Variants in CENPL observed in about 807,000 individuals in gnomAD.
CENPL encodes the protein centromere protein L.
A neutral mutation model predicts 35.2 loss-of-function variants in CENPL; 20 were observed. That is an observed-to-expected ratio of 0.57 (90% confidence interval 0.40 to 0.83). The LOEUF is 0.83. Among genes scored for constraint, CENPL ranks in the 40% least tolerant of loss-of-function variants. The pLI is 0.00. For missense variants in CENPL, 363 were observed against 395.8 expected (o/e 0.92, Z 0.70); for synonymous variants, 140 against 140.6 (o/e 1.00, Z 0.03).
intron 2 of CENPL, among the ~76,000 whole-genome samples, chr1:173,818,068 G>A (rs144135094): frequency 0.025 from 3,738 of 152,014 alleles, 165 homozygotes; most frequent in African/African-American, 0.087. Flanking sequence ...ATGAGTTGAT[G>A]GCTGCAGCAA....
In CENPL at chr1:173,824,266, G is replaced by A. The variant is rs1652319169; in HGVS notation, c.-156C>T. The A allele has an allele frequency of 6.6e-6, 1 of 152,298 alleles. No individual in the cohort carries two copies. The highest frequency in any genetic ancestry group is 2.4e-5 in the African/African-American group (1 of 41,466). The allele number at this position is 152,298 out of a possible 1,614,324, so 9.4% of individuals were successfully genotyped here. A position where few individuals can be genotyped will look rare whatever the true frequency, so the allele number is the denominator to read the frequency against. ...TCAGCTTCTGCTCGCGGAGGGGGAA[G>A]GGCAAAAGGACAGTGCGTCCCAACC... is the stretch of plus-strand genomic sequence containing the variant. On this transcript the variant is annotated 5_prime_UTR_variant, in exon 1 of 6. Coordinates refer to ENST00000682279, the MANE Select transcript of CENPL (RefSeq NM_001387287.1).
At chr1:173,800,967 C>T (rs562003795) in intron 5 of CENPL, among the ~76,000 whole-genome samples, 63 of 151,906 alleles carry the variant, frequency 4.1e-4, no homozygotes, top group Admixed American at 2.8e-3. Context: ...AAACAAAAAA[C>T]CCCTCATTTT....
At chr1:173,821,058 C>T (rs774351560) in intron 2 of CENPL, among the ~76,000 whole-genome samples, 2 of 152,166 alleles carry the variant, frequency 1.3e-5, no homozygotes, top group Non-Finnish European at 2.9e-5. Flanking sequence ...ATTGAATTAC[C>T]TATTTCAAAG....
At chr1:173,823,406 G>C (rs570704228) in intron 2 of CENPL, 38 of 152,824 alleles carry the variant, frequency 2.5e-4, no homozygotes, top group African/African-American at 8.4e-4. Context: ...TACAACATTG[G>C]GGGGTGGGGG....
intron 2 of CENPL, 97 bp from the exon 3 acceptor site, chr1:173,811,403 T>C (rs1650810756): frequency 3.6e-6 from 3 of 829,788 alleles, no homozygotes; most frequent in African/African-American, 1.7e-5. Context: ...ATCCTTTCTC[T>C]TTCTGTCTTT....
At chr1:173,823,554 T>A (rs1246859724) in intron 2 of CENPL, 1 of 152,228 alleles carries the variant, frequency 6.6e-6, no homozygotes, top group East Asian at 1.9e-4. Context: ...TTATCGCCAA[T>A]TAAAAACACT....
At chr1:173,802,233 T>C in intron 5 of CENPL, among the ~76,000 whole-genome samples, 1 of 151,504 alleles carries the variant, frequency 6.6e-6, no homozygotes, top group South Asian at 2.1e-4. Context: ...TGAGACGGAG[T>C]CTCGCTCTGT....
chr1:173,802,983 G>A lies in CENPL; in HGVS notation c.943C>T (p.His315Tyr). The change falls in exon 5 of 6, where the codon CAT (histidine) becomes TAT (tyrosine). Residue 315 changes from histidine to tyrosine, a missense_variant. By Grantham distance (83) the His-to-Tyr change is moderately conservative. Transcript: ENST00000682279. ...VRVSTSVASA[H>Y]TDGKIKILCH... ...CTAACCTTTATTTTTCCATCAGTATGTGCTGAAGCTACAGATGTTGAAACA... is the reference window on the plus strand; with the variant it reads ...CTAACCTTTATTTTTCCATCAGTATATGCTGAAGCTACAGATGTTGAAACA... 1 of 1,610,348 alleles carries A rather than the reference G, an allele frequency of 6.2e-7. No individual in the cohort carries two copies. The highest frequency in any genetic ancestry group is 8.5e-7 in the Non-Finnish European group (1 of 1,177,278).
chr1:173,808,109 A>C (rs1557845695), intron 3 of CENPL, among the ~76,000 whole-genome samples: 3 of 152,162 alleles, frequency 2.0e-5, no homozygotes, highest in African/African-American at 7.2e-5. Flanking sequence ...ATTAGTCTTA[A>C]TTTAAAAAAT....
In CENPL at chr1:173,801,116, C is replaced by T. The variant is rs527804955; in HGVS notation, c.964-597G>A. 1.6e-4 allele frequency among the ~76,000 whole-genome samples: 25 copies of T among 152,162 alleles called. No individual in the cohort carries two copies. The East Asian group carries it at 2.1e-3, about 13-fold the overall frequency. On this transcript the variant is annotated intron_variant, in intron 5 of 5. Coordinates refer to ENST00000682279, the MANE Select transcript of CENPL (RefSeq NM_001387287.1). ...ATAGAGTATTGACTTATTGGATCTA[C>T]GAGGTAAGAGTTCAAATCTTGATTC...
At chr1:173,806,419 A>G (rs1419744405) in intron 4 of CENPL, 2 of 445,424 alleles carry the variant, frequency 4.5e-6, no homozygotes, top group South Asian at 1.6e-5. Context: ...GACCCTGTCT[A>G]CAAAAAATAC....
chr1:173,803,194 G>A lies in CENPL; in HGVS notation c.732C>T (p.Pro244=), dbSNP rs1649910465. ...VATTEFLWSV[P]CSPQSLDISF... ...AAATGTCCAGACTTTGAGGGCTACAGGGTACAGACCAAAGAAATTCAGTAG... is the reference window on the plus strand; with the variant it reads ...AAATGTCCAGACTTTGAGGGCTACAAGGTACAGACCAAAGAAATTCAGTAG... Residue 244 remains proline (P), a synonymous_variant, in exon 5 of 6, where the codon CCC becomes CCT. Coordinates refer to ENST00000682279, the MANE Select transcript of CENPL (RefSeq NM_001387287.1). 3 of 1,613,370 alleles carry A rather than the reference G, an allele frequency of 1.9e-6. No homozygotes were observed. Among genetic ancestry groups the A allele is most frequent in the Non-Finnish European group, 2.5e-6 (3 of 1,179,398 alleles).
At chr1:173,814,716 C>T (rs1422018122) in intron 2 of CENPL, among the ~76,000 whole-genome samples, 1 of 152,008 alleles carries the variant, frequency 6.6e-6, no homozygotes, top group Non-Finnish European at 1.5e-5. Flanking sequence ...CACTAAATGC[C>T]CACAAGAGAA....
intron 4 of CENPL, chr1:173,806,410 A>G (rs1650229442): frequency 4.5e-6 from 2 of 441,862 alleles, no homozygotes; most frequent in Non-Finnish European, 9.0e-6. Context: ...ACATGGCGAG[A>G]CCCTGTCTAC....
In CENPL at chr1:173,806,969, T is replaced by C. The variant is rs149272111; in HGVS notation, c.420+298A>G. 4.6e-3 allele frequency among the ~76,000 whole-genome samples: 698 copies of C among 152,302 alleles called. 6 individuals carry two copies. The highest frequency in any genetic ancestry group is 0.015 in the African/African-American group (641 of 41,572). On this transcript the variant is annotated intron_variant, in intron 4 of 5. Coordinates refer to ENST00000682279, the MANE Select transcript of CENPL (RefSeq NM_001387287.1). The stretch of plus-strand genomic sequence containing the variant: ...GAATTCCTAATGATATAAGTAATTG[T>C]CTACAATATTAGTAAAAATATCATA...
At chr1:173,801,958 G>A (rs1649788723) in intron 5 of CENPL, among the ~76,000 whole-genome samples, 1 of 151,544 alleles carries the variant, frequency 6.6e-6, no homozygotes, top group Admixed American at 6.6e-5. Flanking sequence ...AGGAGGCAGA[G>A]GTTGTAGTTA....
Position 173,800,493 on chromosome 1 carries a change from TC to T in CENPL, c.989del (p.Gly330GlufsTer3). 6.7e-7 allele frequency: 1 copy of T among 1,486,152 alleles called. No homozygotes were observed. The highest frequency in any genetic ancestry group is 9.4e-7 in the Non-Finnish European group (1 of 1,067,032). The allele number at this position is 1,486,152 out of a possible 1,614,324, so 92.1% of individuals were successfully genotyped here. A position where few individuals can be genotyped will look rare whatever the true frequency, so the allele number is the denominator to read the frequency against. ...CCAGTTCTGTCAAATATGCTAACAC[TC>T]CAATAAGGTATTTATGACACAGAAT... is the stretch of plus-strand genomic sequence containing the variant. The part of the protein sequence containing the change: ...IKILCHKYLI[G>X]VLAYLTELAI... On this transcript the variant is annotated frameshift_variant, in exon 6 of 6. Transcript: ENST00000682279. LOFTEE classifies it high-confidence loss of function.
chr1:173,805,856 A>G (rs972007578), intron 4 of CENPL, among the ~76,000 whole-genome samples: 1 of 152,166 alleles, frequency 6.6e-6, no homozygotes, highest in African/African-American at 2.4e-5. Context: ...TTTTTTAAAA[A>G]AAGACAGTAT....
intron 2 of CENPL, among the ~76,000 whole-genome samples, chr1:173,819,950 C>A (rs1390427528): frequency 1.3e-5 from 2 of 151,852 alleles, no homozygotes; most frequent in Non-Finnish European, 1.5e-5. Flanking sequence ...CTCAGGTGAT[C>A]CACCAGCCTC....
Sources: gnomAD v4.1 joint callset for allele counts (sites outside exome capture counted in the v4.1 genomes callset) on GRCh38, gnomAD v4.1.1 for gene constraint, MANE v1.5 for transcripts, NCBI Gene and HGNC (gene_info 2026-07-23, HGNC 2026-07-21) for gene names.